FRMD3: variants seen among roughly 807,000 people sequenced by gnomAD.
The protein encoded by FRMD3 is FERM domain containing 3.
In FRMD3, 33 loss-of-function variants were observed where a neutral mutation model predicts 70.2. The ratio of observed to expected loss-of-function variants is 0.47; its 90% confidence interval spans 0.36 to 0.63. The LOEUF (loss-of-function observed/expected upper bound fraction) is 0.63. Among genes scored for constraint, FRMD3 ranks in the 20% least tolerant of loss-of-function variants. The pLI is 0.00. For synonymous variants in FRMD3, 279 were observed against 255.9 expected, an observed-to-expected ratio of 1.09 and a Z score of -0.86; for missense variants, 632 against 711.4, an observed-to-expected ratio of 0.89 and a Z score of 1.27.
chr9:83,509,103 G>T (rs753097958), intron 1 of FRMD3, among the ~76,000 whole-genome samples: 74 of 149,906 alleles, frequency 4.9e-4, no homozygotes, highest in Non-Finnish European at 2.1e-4. Flanking sequence ...CCCTTCAGGA[G>T]AATGTAAGCT....
chr9:83,491,482 C>T (rs1237442572), intron 1 of FRMD3, among the ~76,000 whole-genome samples: 1 of 152,198 alleles, frequency 6.6e-6, no homozygotes, highest in Non-Finnish European at 1.5e-5. Flanking sequence ...AATGAATCCT[C>T]AGGACACAGG....
At chr9:83,473,425 T>C (rs1828317475) in intron 1 of FRMD3, among the ~76,000 whole-genome samples, 1 of 152,260 alleles carries the variant, frequency 6.6e-6, no homozygotes, top group African/African-American at 2.4e-5. Flanking sequence ...CTTCGCCTTT[T>C]ATTAACTTCT....
intron 1 of FRMD3, among the ~76,000 whole-genome samples, chr9:83,454,005 G>A (rs1243765583): frequency 8.6e-5 from 13 of 152,040 alleles, no homozygotes; most frequent in South Asian, 2.1e-4. Flanking sequence ...GTGAGCCACC[G>A]CGCCCAGCTC....
intron 13 of FRMD3, among the ~76,000 whole-genome samples, chr9:83,288,241 G>A (rs1834291883): frequency 6.6e-6 from 1 of 152,104 alleles, no homozygotes. Context: ...CTAATGAAAT[G>A]CCTGAATCCC....
At chr9:83,414,392 T>C (rs1212399159) in intron 1 of FRMD3, among the ~76,000 whole-genome samples, 1 of 151,950 alleles carries the variant, frequency 6.6e-6, no homozygotes, top group Non-Finnish European at 1.5e-5. Context: ...TGGAAGAAAA[T>C]ATAAGAGTAC....
intron 10 of FRMD3, among the ~76,000 whole-genome samples, chr9:83,309,257 AATAC>A (rs1479738760): frequency 1.8e-5 from 2 of 110,918 alleles, no homozygotes; most frequent in African/African-American, 6.9e-5. Flanking sequence ...AGCTATTTGA[AATAC>A]ACACACACAC....
intron 1 of FRMD3, among the ~76,000 whole-genome samples, chr9:83,396,378 A>C (rs565379967): frequency 1.3e-5 from 2 of 152,234 alleles, no homozygotes; most frequent in Non-Finnish European, 2.9e-5. Context: ...GCAACCATAC[A>C]TCCCTTTATC....
intron 1 of FRMD3, among the ~76,000 whole-genome samples, chr9:83,429,100 T>C (rs532120773): frequency 3.6e-4 from 55 of 152,292 alleles, no homozygotes; most frequent in Admixed American, 2.0e-3. Flanking sequence ...CTATAATTCA[T>C]GAGAATTAAC....
At chr9:83,294,945 C>T (rs1046604564) in intron 12 of FRMD3, among the ~76,000 whole-genome samples, 19 of 152,176 alleles carry the variant, frequency 1.2e-4, no homozygotes, top group African/African-American at 4.3e-4. Flanking sequence ...CCTGAGGTAA[C>T]TGTGTTTATG....
At position 83,419,699 on chromosome 9, in the gene FRMD3, T is replaced by C. The variant is rs530705568; in HGVS notation, c.148-29991A>G. 1.3e-4 allele frequency among the ~76,000 whole-genome samples: 19 copies of C among 151,926 alleles called. No individual in the cohort carries two copies. In the South Asian group the frequency reaches 4.0e-3, roughly 32 times the overall value. The stretch of plus-strand genomic sequence containing the variant: ...GTTTATGTGTGTTGAGTGTGTGTGA[T>C]GTGTGTGTGTGCTATGTACTGGGGT... On this transcript the variant is annotated intron_variant, in intron 1 of 13. Coordinates refer to ENST00000304195, the MANE Select transcript of FRMD3 (RefSeq NM_174938.6).
At chr9:83,573,959 T>C in the FRMD3 span, among the ~76,000 whole-genome samples, 57 of 152,294 alleles carry the variant, frequency 3.7e-4, no homozygotes, top group African/African-American at 1.3e-3. Context: ...AAGCGTGTGA[T>C]TAAAAAACAA....
chr9:83,430,345 T>C (rs1587845347), intron 1 of FRMD3, among the ~76,000 whole-genome samples: 2 of 152,308 alleles, frequency 1.3e-5, no homozygotes, highest in East Asian at 1.9e-4. Context: ...GAAGCTCCAT[T>C]TGGTGGAAGC....
intron 1 of FRMD3, among the ~76,000 whole-genome samples, chr9:83,492,681 G>T (rs1410796844): frequency 6.6e-6 from 1 of 152,184 alleles, no homozygotes; most frequent in Non-Finnish European, 1.5e-5. Flanking sequence ...GAAGGGTTCT[G>T]CCAGAGTCTC....
chr9:83,485,112 T>C (rs1423076344), intron 1 of FRMD3, among the ~76,000 whole-genome samples: 1 of 152,198 alleles, frequency 6.6e-6, no homozygotes, highest in African/African-American at 2.4e-5. Context: ...ACCAGACAGA[T>C]GAACCCAAAT....
intron 1 of FRMD3, among the ~76,000 whole-genome samples, chr9:83,421,570 A>G (rs1006990926): frequency 7.2e-5 from 11 of 152,168 alleles, no homozygotes; most frequent in Non-Finnish European, 1.2e-4. Context: ...AAACCATGCA[A>G]TGAGCCATAC....
chr9:83,263,387 A>T (rs1833078020), intron 13 of FRMD3, among the ~76,000 whole-genome samples: 1 of 152,198 alleles, frequency 6.6e-6, no homozygotes, highest in African/African-American at 2.4e-5. Flanking sequence ...TGTGCTGCAG[A>T]TTTATTATGG....
At chr9:83,383,029 G>GC (rs1465824137) in intron 2 of FRMD3, among the ~76,000 whole-genome samples, 1 of 152,308 alleles carries the variant, frequency 6.6e-6, no homozygotes, top group African/African-American at 2.4e-5. Context: ...GCTCTAAGCA[G>GC]CCGTGTAAGA....
intron 10 of FRMD3, among the ~76,000 whole-genome samples, chr9:83,300,240 C>A (rs1834853509): frequency 6.6e-6 from 1 of 152,190 alleles, no homozygotes; most frequent in African/African-American, 2.4e-5. Flanking sequence ...AAGAAAGACA[C>A]ATGGCTGATC....
chr9:83,283,631 T>C (rs918861890), intron 13 of FRMD3, among the ~76,000 whole-genome samples: 5 of 152,132 alleles, frequency 3.3e-5, no homozygotes, highest in South Asian at 4.1e-4. Flanking sequence ...ACTGCAATTA[T>C]AAACAAAAAC....
Sources: allele counts gnomAD v4.1 joint callset (sites outside exome capture counted in the v4.1 genomes callset), GRCh38; gene constraint gnomAD v4.1.1; transcripts MANE v1.5; gene names NCBI Gene and HGNC (gene_info 2026-07-23, HGNC 2026-07-21).